Variants in DAB1 observed in about 807,000 individuals in gnomAD.
DAB1 encodes disabled homolog 1.
A neutral mutation model predicts 64.6 loss-of-function variants in DAB1; 15 were observed. That is an observed-to-expected ratio of 0.23 (90% CI 0.16 to 0.36). The LOEUF (loss-of-function observed/expected upper bound fraction) is 0.36. Ranked by LOEUF, DAB1 falls within the 10% of genes least tolerant of loss-of-function variation. The pLI is 1.00. For synonymous variants in DAB1, 235 were observed against 251.9 expected (o/e 0.93, Z 0.64); for missense variants, 596 against 706.7 (o/e 0.84, Z 1.78).
chr1:57,134,342 T>C (rs1182294815), intron 4 of DAB1, among the ~76,000 whole-genome samples: 1 of 151,998 alleles, frequency 6.6e-6, no homozygotes, highest in African/African-American at 2.4e-5. Context: ...CCCAGCACTT[T>C]TGGAGGCCAA....
At position 57,312,422 on chromosome 1, in the gene DAB1, A is replaced by G. The variant is rs528288105; in HGVS notation, c.-136-21256T>C. 4.1e-4 allele frequency among the ~76,000 whole-genome samples: 62 copies of G among 152,100 alleles called. 1 individual carries two copies. The South Asian group carries it at 0.013, about 32-fold the overall frequency. ...AGAACTAGACGAGAGTTTAGAAATA[A>G]CCTAAGTCTTTCATTTTACCACTGG... On this transcript the variant is annotated intron_variant, in intron 1 of 14. Coordinates refer to ENST00000371236, the MANE Select transcript of DAB1 (RefSeq NM_001365792.1).
intron 4 of DAB1, among the ~76,000 whole-genome samples, chr1:58,169,835 C>T (rs762800018): frequency 6.6e-6 from 1 of 152,102 alleles, no homozygotes; most frequent in South Asian, 2.1e-4. Flanking sequence ...CGGTTATGTC[C>T]CCTTCAAGCT....
intron 5 of DAB1, among the ~76,000 whole-genome samples, chr1:58,097,520 C>CT (rs139672005): frequency 0.15 from 22,010 of 148,826 alleles, 2,171 homozygotes; most frequent in East Asian, 0.39. Flanking sequence ...TTCAGGAAGC[C>CT]TTTTTTTTTT....
intron 5 of DAB1, among the ~76,000 whole-genome samples, chr1:57,972,446 T>C (rs1557587858): frequency 1.3e-5 from 2 of 152,118 alleles, no homozygotes; most frequent in Non-Finnish European, 2.9e-5. Flanking sequence ...TCTTGCTATG[T>C]TGCCCAGGCT....
intron 1 of DAB1, among the ~76,000 whole-genome samples, chr1:57,417,834 G>A (rs72909243): frequency 0.04 from 6,014 of 152,128 alleles, 155 homozygotes; most frequent in African/African-American, 0.066. Flanking sequence ...CCATCCCTAA[G>A]TCAATAACCA....
chr1:57,554,457 G>A (rs915169232), intron 7 of DAB1, among the ~76,000 whole-genome samples: 3 of 152,150 alleles, frequency 2.0e-5, no homozygotes, highest in African/African-American at 7.2e-5. Context: ...TATAGTAAAT[G>A]CTCAATACAC....
chr1:57,216,990 C>A (rs1666475385), intron 2 of DAB1, among the ~76,000 whole-genome samples: 1 of 152,190 alleles, frequency 6.6e-6, no homozygotes, highest in Non-Finnish European at 1.5e-5. Flanking sequence ...ACTGGGCCAT[C>A]CAGGGACTTC....
chr1:57,778,400 A>C (rs897536307), intron 6 of DAB1, among the ~76,000 whole-genome samples: 10 of 151,824 alleles, frequency 6.6e-5, no homozygotes, highest in African/African-American at 2.4e-4. Context: ...GCAATCCAAA[A>C]GTGCCTCTAG....
intron 4 of DAB1, among the ~76,000 whole-genome samples, chr1:58,316,269 G>A (rs892864065): frequency 6.6e-6 from 1 of 152,220 alleles, no homozygotes; most frequent in South Asian, 2.1e-4. Flanking sequence ...ACTTACCTGT[G>A]TCAAGCAGAG....
chr1:57,186,275 A>C (rs566931829), intron 2 of DAB1, among the ~76,000 whole-genome samples: 1 of 152,310 alleles, frequency 6.6e-6, no homozygotes, highest in African/African-American at 2.4e-5. Context: ...GTCCAGGATT[A>C]GTATGGGAAA....
intron 7 of DAB1, among the ~76,000 whole-genome samples, chr1:57,602,470 C>A (rs1645586014): frequency 6.6e-6 from 1 of 152,132 alleles, no homozygotes; most frequent in Non-Finnish European, 1.5e-5. Context: ...GGAGGTCATC[C>A]TAACCCTGCT....
intron 5 of DAB1, chr1:58,049,421 A>G (rs1647478458): frequency 4.9e-6 from 2 of 408,800 alleles, no homozygotes; most frequent in South Asian, 3.4e-5. Context: ...TTATGCTCAG[A>G]GTCATTCAGC....
chr1:58,418,753 G>T (rs1197985542), intron 3 of DAB1, among the ~76,000 whole-genome samples: 2 of 152,148 alleles, frequency 1.3e-5, no homozygotes, highest in Admixed American at 6.5e-5. Flanking sequence ...AGTCATGATG[G>T]GTGTTATTTG....
At chr1:57,488,091 G>C (rs1237043275) in intron 7 of DAB1, among the ~76,000 whole-genome samples, 1 of 152,092 alleles carries the variant, frequency 6.6e-6, no homozygotes, top group African/African-American at 2.4e-5. Flanking sequence ...GGATCAATTG[G>C]TATGCACATT....
chr1:57,260,660 C>G (rs943192153), intron 2 of DAB1, among the ~76,000 whole-genome samples: 1 of 152,182 alleles, frequency 6.6e-6, no homozygotes, highest in Non-Finnish European at 1.5e-5. Context: ...CCCCATGGTA[C>G]AGATAAGGCA....
intron 9 of DAB1, among the ~76,000 whole-genome samples, chr1:57,027,749 A>G (rs1303486073): frequency 6.6e-6 from 1 of 152,138 alleles, no homozygotes; most frequent in African/African-American, 2.4e-5. Flanking sequence ...CTGAAAGGAG[A>G]CAAGCTTGGC....
intron 2 of DAB1, among the ~76,000 whole-genome samples, chr1:57,242,360 T>G (rs1668555814): frequency 6.6e-6 from 1 of 152,146 alleles, no homozygotes; most frequent in South Asian, 2.1e-4. Flanking sequence ...ATAAAGGTCT[T>G]TCCTTGGGCA....
chr1:58,506,021 A>T (rs1483033693), intron 3 of DAB1: 1 of 810,010 alleles, frequency 1.2e-6, no homozygotes, highest in Admixed American at 1.8e-5. Flanking sequence ...TAAATGATAC[A>T]GTAAAAATAA....
At chr1:57,729,257 T>G (rs190443181) in intron 6 of DAB1, among the ~76,000 whole-genome samples, 32 of 152,356 alleles carry the variant, frequency 2.1e-4, no homozygotes, top group Non-Finnish European at 7.3e-5. Flanking sequence ...AGATCTGGCA[T>G]CCAGAAGCAA....
Sources: gnomAD v4.1 joint callset for allele counts (sites outside exome capture counted in the v4.1 genomes callset) on GRCh38, gnomAD v4.1.1 for gene constraint, MANE v1.5 for transcripts, NCBI Gene and HGNC (gene_info 2026-07-23, HGNC 2026-07-21) for gene names.